CTTNBP2NL: variants seen among roughly 807,000 people sequenced by gnomAD.
CTTNBP2NL encodes the protein CTTNBP2 N-terminal-like protein.
Under a neutral mutation model 32.5 loss-of-function variants are expected in CTTNBP2NL, and 16 were observed. The ratio of observed to expected loss-of-function variants is 0.49; its 90% CI spans 0.33 to 0.75. The LOEUF (loss-of-function observed/expected upper bound fraction) is 0.75. Among genes scored for constraint, CTTNBP2NL ranks in the 30% least tolerant of loss-of-function variants. The pLI is 0.02. For missense variants in CTTNBP2NL, 645 were observed against 756.0 expected (o/e 0.85, Z 1.72); for synonymous variants, 298 against 289.4 (o/e 1.03, Z -0.30).
At chr1:112,419,554 A>AT (rs1649162580) in intron 3 of CTTNBP2NL, among the ~76,000 whole-genome samples, 1 of 101,314 alleles carries the variant, frequency 9.9e-6, no homozygotes. Context: ...GGCACCAAAA[A>AT]TTAAAAAAAA....
At chr1:112,430,180 TCTTTTCTTTTC>T (rs1649520037) in intron 3 of CTTNBP2NL, among the ~76,000 whole-genome samples, 1 of 82,270 alleles carries the variant, frequency 1.2e-5, no homozygotes, top group Non-Finnish European at 2.9e-5. Flanking sequence ...TCTTTTCTTT[TCTTTTCTTTTC>T]TTTTCTTTTC....
intron 3 of CTTNBP2NL, among the ~76,000 whole-genome samples, chr1:112,425,378 G>A (rs564789007): frequency 6.6e-6 from 1 of 152,232 alleles, no homozygotes; most frequent in African/African-American, 2.4e-5. Context: ...GGCTGAGATA[G>A]GAGAATCACT....
intron 3 of CTTNBP2NL, among the ~76,000 whole-genome samples, chr1:112,434,016 C>T (rs151008007): frequency 6.6e-6 from 1 of 152,152 alleles, no homozygotes; most frequent in Non-Finnish European, 1.5e-5. Flanking sequence ...CCATGCCTGG[C>T]CTCCTGTGTG....
At chr1:112,440,322 TTAAAA>T (rs1376195131) in intron 3 of CTTNBP2NL, among the ~76,000 whole-genome samples, 5 of 152,238 alleles carry the variant, frequency 3.3e-5, no homozygotes, top group Non-Finnish European at 7.3e-5. Flanking sequence ...ATTAGTTAGT[TTAAAA>T]TAAACAATAA....
chr1:112,421,314 T>C (rs1023185260), intron 3 of CTTNBP2NL, among the ~76,000 whole-genome samples: 1 of 136,860 alleles, frequency 7.3e-6, no homozygotes, highest in African/African-American at 2.6e-5. Context: ...TCTTTTCTTT[T>C]TTTTTTTTTT....
At chr1:112,453,704 T>G (rs138589921) in intron 4 of CTTNBP2NL, among the ~76,000 whole-genome samples, 1 of 152,052 alleles carries the variant, frequency 6.6e-6, no homozygotes, top group Non-Finnish European at 1.5e-5. Context: ...CAGTGAGCCA[T>G]GATTGCACTA....
At chr1:112,405,451 C>T (rs754126265) in intron 1 of CTTNBP2NL, among the ~76,000 whole-genome samples, 1 of 152,146 alleles carries the variant, frequency 6.6e-6, no homozygotes, top group Non-Finnish European at 1.5e-5. Flanking sequence ...GTGTGCGCCA[C>T]CATGCCCGGC....
At chr1:112,415,159 C>A (rs994381501) in intron 2 of CTTNBP2NL, among the ~76,000 whole-genome samples, 6 of 152,120 alleles carry the variant, frequency 3.9e-5, no homozygotes, top group Non-Finnish European at 7.3e-5. Flanking sequence ...CCACTACACT[C>A]CAGCCTGGGT....
chr1:112,413,441 T>G (rs1211138672), intron 2 of CTTNBP2NL, among the ~76,000 whole-genome samples: 2 of 152,144 alleles, frequency 1.3e-5, no homozygotes, highest in Admixed American at 6.5e-5. Context: ...TGGTAAGATG[T>G]TCTACATTTA....
chr1:112,446,900 C>T (rs1054247565), intron 3 of CTTNBP2NL, among the ~76,000 whole-genome samples: 2 of 152,098 alleles, frequency 1.3e-5, no homozygotes, highest in Admixed American at 6.6e-5. Flanking sequence ...TGGAGCTGAT[C>T]TTTTCTTTCT....
intron 1 of CTTNBP2NL, among the ~76,000 whole-genome samples, chr1:112,411,032 C>G (rs1361536488): frequency 6.6e-6 from 1 of 152,132 alleles, no homozygotes; most frequent in Non-Finnish European, 1.5e-5. Flanking sequence ...ATATCCTTGG[C>G]CACATAATTC....
chr1:112,432,304 G>A (rs934391089), intron 3 of CTTNBP2NL, among the ~76,000 whole-genome samples: 5 of 151,814 alleles, frequency 3.3e-5, no homozygotes, highest in African/African-American at 7.3e-5. Context: ...TTCATGATCC[G>A]CCTGCCTTGG....
intron 2 of CTTNBP2NL, 193 bp from the exon 3 acceptor site, chr1:112,415,964 A>G: frequency 2.0e-6 from 1 of 502,158 alleles, no homozygotes. Flanking sequence ...TCAATAATTA[A>G]AGTGAATTTT....
At chr1:112,413,466 A>T (rs1290696905) in intron 2 of CTTNBP2NL, among the ~76,000 whole-genome samples, 2 of 152,216 alleles carry the variant, frequency 1.3e-5, no homozygotes, top group Non-Finnish European at 2.9e-5. Flanking sequence ...CTTAATCTTC[A>T]TAGCAGCCCT....
chr1:112,447,272 TAAAAAAAAAAAA>T, intron 3 of CTTNBP2NL, among the ~76,000 whole-genome samples: 1 of 69,698 alleles, frequency 1.4e-5, no homozygotes, highest in African/African-American at 5.4e-5. Context: ...AGACTCCATC[TAAAAAAAAAAAA>T]AAAAAAAAAA....
In CTTNBP2NL at chr1:112,423,524, AC is replaced by A. The variant is rs923060705; in HGVS notation, c.99+7263del. ...AAAAATAAATTTTAAATAAATAAAA[AC>A]CCAGCCATAATCTAGACCAGGAAAA... is the stretch of plus-strand genomic sequence containing the variant. On this transcript the variant is annotated intron_variant, in intron 3 of 5. Coordinates refer to ENST00000271277, the MANE Select transcript of CTTNBP2NL (RefSeq NM_018704.3). 9.1e-3 allele frequency among the ~76,000 whole-genome samples: 1,379 copies of A among 152,040 alleles called. 29 individuals carry two copies. The highest frequency in any genetic ancestry group is 0.032 in the African/African-American group (1,328 of 41,524).
intron 2 of CTTNBP2NL, among the ~76,000 whole-genome samples, chr1:112,414,117 G>A (rs1276406329): frequency 6.6e-6 from 1 of 151,964 alleles, no homozygotes; most frequent in Non-Finnish European, 1.5e-5. Flanking sequence ...TGTAATCCTA[G>A]CACTTTGGGA....
intron 3 of CTTNBP2NL, among the ~76,000 whole-genome samples, chr1:112,422,334 T>C (rs1649256259): frequency 6.6e-6 from 1 of 152,242 alleles, no homozygotes; most frequent in Non-Finnish European, 1.5e-5. Flanking sequence ...TCTTCTTTGT[T>C]ACTTAATAGT....
At chr1:112,442,801 C>T (rs1033323821) in intron 3 of CTTNBP2NL, among the ~76,000 whole-genome samples, 2 of 152,132 alleles carry the variant, frequency 1.3e-5, no homozygotes, top group African/African-American at 2.4e-5. Context: ...AGCAATTCTC[C>T]TGCCTCAGCC....
Sources: allele counts gnomAD v4.1 joint callset (sites outside exome capture counted in the v4.1 genomes callset), GRCh38; gene constraint gnomAD v4.1.1; transcripts MANE v1.5; gene names NCBI Gene and HGNC (gene_info 2026-07-23, HGNC 2026-07-21).